TRIM2: variants seen among roughly 807,000 people sequenced by gnomAD.
TRIM2 encodes the protein tripartite motif-containing protein 2.
A neutral mutation model predicts 75.2 loss-of-function variants in TRIM2; 20 were observed. That is an observed-to-expected ratio of 0.27 (90% confidence interval 0.19 to 0.39). The LOEUF (loss-of-function observed/expected upper bound fraction) is 0.39, where lower values mean the gene tolerates loss of function less well. Among genes scored for constraint, TRIM2 ranks in the 10% least tolerant of loss-of-function variants. TRIM2 has a pLI of 1.00. For missense variants in TRIM2, 660 were observed against 990.8 expected (o/e 0.67, Z 4.48); for synonymous variants, 373 against 388.3 (o/e 0.96, Z 0.46).
intron 1 of TRIM2, among the ~76,000 whole-genome samples, chr4:153,244,192 C>G (rs1393427888): frequency 6.9e-6 from 1 of 145,126 alleles, no homozygotes. Context: ...CCTCCTTCTT[C>G]TTCTCCTCCT....
At chr4:153,162,734 T>C (rs1337021416) in intron 1 of TRIM2, among the ~76,000 whole-genome samples, 1 of 152,184 alleles carries the variant, frequency 6.6e-6, no homozygotes. Context: ...ACTTCAGGCA[T>C]TGGCCTCTGT....
At chr4:153,276,225 A>G (rs1758001121) in intron 3 of TRIM2, 95 bp downstream of exon 3, 2 of 1,014,744 alleles carry the variant, frequency 2.0e-6, no homozygotes, top group South Asian at 2.8e-5. Context: ...TTGAAACAGA[A>G]CTCCATGTGG....
At chr4:153,286,979 TTCTC>T (rs978231366) in intron 3 of TRIM2, among the ~76,000 whole-genome samples, 1 of 152,070 alleles carries the variant, frequency 6.6e-6, no homozygotes. Context: ...CTTTTCCTTT[TTCTC>T]TCTCTCTTTT....
chr4:153,275,618 C>T (rs1342741739), intron 2 of TRIM2, among the ~76,000 whole-genome samples: 2 of 152,326 alleles, frequency 1.3e-5, no homozygotes, highest in Non-Finnish European at 2.9e-5. Context: ...GGGAGGCTGA[C>T]GCTGCTCATC....
intron 1 of TRIM2, among the ~76,000 whole-genome samples, chr4:153,179,751 G>T (rs7676369): frequency 6.6e-6 from 1 of 152,052 alleles, no homozygotes; most frequent in Admixed American, 6.5e-5. Flanking sequence ...TTTTTAAAGG[G>T]GTGTTTAGAA....
At chr4:153,255,465 T>G (rs999820164) in intron 1 of TRIM2, among the ~76,000 whole-genome samples, 1 of 152,166 alleles carries the variant, frequency 6.6e-6, no homozygotes, top group Non-Finnish European at 1.5e-5. Flanking sequence ...GGCTTTGGGA[T>G]AGGCTTAGTA....
At position 153,335,912 on chromosome 4, in the gene TRIM2, T is replaced by C. The variant is rs1465747593; in HGVS notation, c.*946T>C. On this transcript the variant is annotated 3_prime_UTR_variant, in exon 12 of 12. Coordinates refer to ENST00000338700, the MANE Select transcript of TRIM2 (RefSeq NM_015271.5). Reference sequence around the variant, plus strand: ...ACCAGTATCCTAGGACAGAGAGCCATAAGTAGCCCTTTGGAGGACTGATGG... The same window carrying C: ...ACCAGTATCCTAGGACAGAGAGCCACAAGTAGCCCTTTGGAGGACTGATGG... The C allele has an allele frequency of 1.1e-5, 11 of 985,724 alleles. No individual in the cohort carries two copies. The East Asian group carries it at 7.9e-4, about 71-fold the overall frequency. 61.1% of individuals were successfully genotyped at this position (985,724 alleles called of 1,614,324 possible). A position where few individuals can be genotyped will look rare whatever the true frequency, so the allele number is the denominator to read the frequency against.
intron 6 of TRIM2, chr4:153,308,684 C>G: frequency 1.8e-6 from 1 of 569,614 alleles, no homozygotes; most frequent in South Asian, 1.4e-5. Context: ...TAGGCTTTGA[C>G]TGACCCAAAT....
intron 1 of TRIM2, among the ~76,000 whole-genome samples, chr4:153,209,756 C>T (rs530586198): frequency 3.9e-5 from 6 of 152,286 alleles, no homozygotes; most frequent in African/African-American, 1.4e-4. Flanking sequence ...GGGAGGAAGA[C>T]ATTTAAATCT....
At chr4:153,324,905 T>C (rs568325119) in intron 10 of TRIM2, among the ~76,000 whole-genome samples, 110 of 152,352 alleles carry the variant, frequency 7.2e-4, no homozygotes, top group Non-Finnish European at 1.3e-3. Flanking sequence ...CTACCTTTTG[T>C]TTACATCAAG....
chr4:153,318,779 T>C (rs1023399264), intron 8 of TRIM2, among the ~76,000 whole-genome samples: 3 of 152,170 alleles, frequency 2.0e-5, no homozygotes, highest in Non-Finnish European at 4.4e-5. Context: ...TCTCTAAGCA[T>C]TTTTTGTTCA....
chr4:153,327,031 G>C (rs1686738688), intron 10 of TRIM2, among the ~76,000 whole-genome samples: 3 of 151,622 alleles, frequency 2.0e-5, no homozygotes, highest in African/African-American at 7.3e-5. Flanking sequence ...CTATTTGTAG[G>C]GCTTAGTAAG....
At chr4:153,161,462 T>C (rs1243762631) in intron 1 of TRIM2, among the ~76,000 whole-genome samples, 1 of 152,212 alleles carries the variant, frequency 6.6e-6, no homozygotes, top group Non-Finnish European at 1.5e-5. Flanking sequence ...TTGAGTACAT[T>C]TGCAAAGTCG....
chr4:153,221,980 A>AGGG (rs1740465464), intron 1 of TRIM2, among the ~76,000 whole-genome samples: 3 of 42,650 alleles, frequency 7.0e-5, no homozygotes, highest in East Asian at 1.3e-3. Context: ...GGGAGGAAGG[A>AGGG]AGGAAGGGAG....
Position 153,336,275 on chromosome 4 carries a change from C to G in TRIM2, c.*1309C>G. The G allele has an allele frequency of 1.0e-6, 1 of 984,110 alleles. No individual in the cohort carries two copies. The allele number at this position is 984,110 out of a possible 1,614,324, so 61.0% of individuals were successfully genotyped here. A position where few individuals can be genotyped will look rare whatever the true frequency, so the allele number is the denominator to read the frequency against. Reference sequence around the variant, plus strand: ...CGTCCTAGTGGAGCAAGCCCTAAAGCAGATTTAATTTTTGCCATTTTCCAA... The same window carrying G: ...CGTCCTAGTGGAGCAAGCCCTAAAGGAGATTTAATTTTTGCCATTTTCCAA... On this transcript the variant is annotated 3_prime_UTR_variant, in exon 12 of 12. Coordinates refer to ENST00000338700, the MANE Select transcript of TRIM2 (RefSeq NM_015271.5).
At chr4:153,244,863 A>G (rs1239005291) in intron 1 of TRIM2, among the ~76,000 whole-genome samples, 1 of 152,236 alleles carries the variant, frequency 6.6e-6, no homozygotes, top group Non-Finnish European at 1.5e-5. Flanking sequence ...ATTACATGGC[A>G]TAACTTGGGA....
intron 1 of TRIM2, among the ~76,000 whole-genome samples, chr4:153,181,645 G>A (rs76389802): frequency 0.04 from 6,075 of 152,204 alleles, 167 homozygotes; most frequent in South Asian, 0.059. Context: ...GGCTAGACAC[G>A]CTCAGAGCAC....
At chr4:153,325,522 G>A (rs966260252) in intron 10 of TRIM2, among the ~76,000 whole-genome samples, 4 of 152,186 alleles carry the variant, frequency 2.6e-5, no homozygotes, top group East Asian at 3.8e-4. Context: ...AGCAGTAACC[G>A]GGCTGGGGAC....
chr4:153,264,129 C>T (rs1385181634), intron 1 of TRIM2, among the ~76,000 whole-genome samples: 1 of 152,200 alleles, frequency 6.6e-6, no homozygotes, highest in African/African-American at 2.4e-5. Flanking sequence ...GAGCAGGTGA[C>T]ACTGAGCTGG....
Sources: gnomAD v4.1 joint callset for allele counts (sites outside exome capture counted in the v4.1 genomes callset) on GRCh38, gnomAD v4.1.1 for gene constraint, MANE v1.5 for transcripts, NCBI Gene and HGNC (gene_info 2026-07-23, HGNC 2026-07-21) for gene names.